Variants in RAB3B observed in about 807,000 individuals in gnomAD.
RAB3B encodes the protein RAB3B, member RAS oncogene family, also known as ras-related protein Rab-3B.
In RAB3B, 11 loss-of-function variants were observed where a neutral mutation model predicts 20.5. The ratio of observed to expected loss-of-function variants is 0.54; its 90% CI spans 0.34 to 0.89. The LOEUF (loss-of-function observed/expected upper bound fraction) is 0.89. Among genes scored for constraint, RAB3B ranks in the 40% least tolerant of loss-of-function variants. The pLI, the probability that RAB3B is intolerant of heterozygous loss-of-function variation, is 0.02. For synonymous variants in RAB3B, 99 were observed against 106.3 expected (o/e 0.93, Z 0.42); for missense variants, 225 against 280.9 (o/e 0.80, Z 1.42).
In RAB3B at chr1:51,919,136, AC is replaced by A. The variant is rs1684130885; in HGVS notation, c.*790del. ...GTAGCTGGGACTACAGGCGCCCGCC[AC>A]CGCGCCCGGCTAATTTTTTGTATTT... On this transcript the variant is annotated 3_prime_UTR_variant, in exon 5 of 5. Transcript: ENST00000371655. 1 of 151,344 alleles carries A rather than the reference AC, an allele frequency of 6.6e-6. No homozygotes were observed. 9.4% of individuals were successfully genotyped at this position (151,344 alleles called of 1,614,324 possible).
chr1:51,935,694 G>A (rs1487472820), intron 3 of RAB3B, among the ~76,000 whole-genome samples: 1 of 152,070 alleles, frequency 6.6e-6, no homozygotes, highest in Non-Finnish European at 1.5e-5. Context: ...GAAATGGGCA[G>A]CGTGGAGACA....
intron 2 of RAB3B, among the ~76,000 whole-genome samples, chr1:51,972,861 T>C (rs1368920749): frequency 6.6e-6 from 1 of 152,230 alleles, no homozygotes; most frequent in South Asian, 2.1e-4. Context: ...CAGCCCCATA[T>C]AATTTACCCA....
intron 2 of RAB3B, among the ~76,000 whole-genome samples, chr1:51,939,347 T>C (rs532347796): frequency 4.9e-4 from 75 of 152,288 alleles, no homozygotes; most frequent in African/African-American, 1.8e-3. Context: ...AATGCAAAAA[T>C]TGCAGAAAGG....
chr1:51,980,085 T>C (rs1685067307), intron 1 of RAB3B, among the ~76,000 whole-genome samples: 1 of 151,884 alleles, frequency 6.6e-6, no homozygotes, highest in Non-Finnish European at 1.5e-5. Context: ...TCAGAAACTA[T>C]GGCTGTTAAC....
Position 51,913,107 on chromosome 1 carries a change from C to T in RAB3B, c.*6820G>A, listed in dbSNP as rs1684029397. On this transcript the variant is annotated 3_prime_UTR_variant, in exon 5 of 5. Transcript: ENST00000371655. ...CTGCTGGGCTTCTGGCCAGGAACTT[C>T]CGGTAGGAATTACAACCATTATCTA... 6.6e-6 allele frequency: 1 copy of T among 152,170 alleles called. No individual in the cohort carries two copies. The highest frequency in any genetic ancestry group is 2.1e-4 in the South Asian group (1 of 4,826). 9.4% of individuals were successfully genotyped at this position (152,170 alleles called of 1,614,324 possible). A position where few individuals can be genotyped will look rare whatever the true frequency, so the allele number is the denominator to read the frequency against.
intron 2 of RAB3B, among the ~76,000 whole-genome samples, chr1:51,945,470 G>T (rs747322266): frequency 1.3e-5 from 2 of 152,088 alleles, no homozygotes; most frequent in Non-Finnish European, 2.9e-5. Flanking sequence ...TTGCTTTATT[G>T]CAATATTTAC....
rs1491223921 is a variant in RAB3B, at chr1:51,912,554, A to AAAAAATAT, written c.*7372_*7373insATATTTTT. 4.5e-3 allele frequency: 70 copies of AAAAAATAT among 15,464 alleles called. 2 individuals are homozygous for AAAAAATAT. The highest frequency in any genetic ancestry group is 7.9e-3 in the Non-Finnish European group (54 of 6,798). 1.0% of individuals were successfully genotyped at this position (15,464 alleles called of 1,614,324 possible). On this transcript the variant is annotated 3_prime_UTR_variant, in exon 5 of 5. Transcript: ENST00000371655. ...AGACCGTCTCTATTAAAAAAAAAAA[A>AAAAAATAT]ATATATATATATATATATATATATA... is the stretch of plus-strand genomic sequence containing the variant.
intron 3 of RAB3B, among the ~76,000 whole-genome samples, chr1:51,936,143 G>A (rs34730664): frequency 0.047 from 7,174 of 152,268 alleles, 198 homozygotes; most frequent in Middle Eastern, 0.075. Context: ...TGTGTGCCTG[G>A]TCTGCTCAGC....
chr1:51,932,869 T>A (rs1226810417), intron 4 of RAB3B, among the ~76,000 whole-genome samples: 3 of 152,122 alleles, frequency 2.0e-5, no homozygotes, highest in Non-Finnish European at 4.4e-5. Context: ...AAGACAACAT[T>A]TTGGCCCCAA....
chr1:51,935,117 GA>G (rs1684380179), intron 3 of RAB3B, among the ~76,000 whole-genome samples: 1 of 152,222 alleles, frequency 6.6e-6, no homozygotes, highest in Non-Finnish European at 1.5e-5. Context: ...AGGTGTCAGT[GA>G]ATGCTGATAA....
chr1:51,966,196 A>G (rs1684849409), intron 2 of RAB3B, among the ~76,000 whole-genome samples: 1 of 151,966 alleles, frequency 6.6e-6, no homozygotes, highest in African/African-American at 2.4e-5. Flanking sequence ...TAAAGCTCTT[A>G]CTCTACATTA....
intron 3 of RAB3B, among the ~76,000 whole-genome samples, chr1:51,935,339 C>A (rs1684384666): frequency 6.6e-6 from 1 of 152,168 alleles, no homozygotes; most frequent in African/African-American, 2.4e-5. Flanking sequence ...TGTGGGCCCA[C>A]AGGAAACCAG....
At chr1:51,984,396 T>C (rs552972645) in intron 1 of RAB3B, among the ~76,000 whole-genome samples, 29 of 140,972 alleles carry the variant, frequency 2.1e-4, no homozygotes, top group African/African-American at 6.0e-4. Context: ...TCTTTTTTTT[T>C]TTTTTTTTTT....
At chr1:51,924,882 A>C (rs538662470) in intron 4 of RAB3B, among the ~76,000 whole-genome samples, 1 of 152,188 alleles carries the variant, frequency 6.6e-6, no homozygotes, top group Non-Finnish European at 1.5e-5. Context: ...GAGGCCAGGA[A>C]GATGACAACC....
chr1:51,956,729 C>T (rs750878395), intron 2 of RAB3B, among the ~76,000 whole-genome samples: 7 of 152,200 alleles, frequency 4.6e-5, no homozygotes, highest in Admixed American at 3.3e-4. Flanking sequence ...CTGTATGACT[C>T]GCATTTCCTC....
intron 3 of RAB3B, among the ~76,000 whole-genome samples, chr1:51,934,547 G>A (rs1049231377): frequency 6.6e-6 from 1 of 151,924 alleles, no homozygotes; most frequent in African/African-American, 2.4e-5. Context: ...CGAGGTGGGC[G>A]GACCACGAGG....
At chr1:51,923,271 G>A (rs969530756) in intron 4 of RAB3B, among the ~76,000 whole-genome samples, 15 of 152,138 alleles carry the variant, frequency 9.9e-5, no homozygotes, top group African/African-American at 3.6e-4. Context: ...CTTGTCTCAC[G>A]CTCAGTTGGA....
chr1:51,965,194 T>C (rs1036471986), intron 2 of RAB3B, among the ~76,000 whole-genome samples: 2 of 145,316 alleles, frequency 1.4e-5, no homozygotes, highest in South Asian at 2.2e-4. Flanking sequence ...ACTTCCAACC[T>C]GGGTGACAGA....
rs1684006767 is a variant in RAB3B, at chr1:51,912,115, T to TCTTC, written c.*7811_*7812insGAAG. The TCTTC allele has an allele frequency of 6.8e-6, 1 of 148,032 alleles. No individual in the cohort carries two copies. Among genetic ancestry groups the TCTTC allele is most frequent in the South Asian group, 2.1e-4 (1 of 4,756 alleles). 9.2% of individuals were successfully genotyped at this position (148,032 alleles called of 1,614,324 possible). Reference sequence around the variant, plus strand: ...CCTTTTCTTCTTTTTTTTCTTTCTTTCTTTCTTTTTTTTTTTTTTTTGAGA... The same window carrying TCTTC: ...CCTTTTCTTCTTTTTTTTCTTTCTTTCTTCCTTTCTTTTTTTTTTTTTTTTGAGA... On this transcript the variant is annotated 3_prime_UTR_variant, in exon 5 of 5. Coordinates refer to ENST00000371655, the MANE Select transcript of RAB3B (RefSeq NM_002867.4).
Sources: gnomAD v4.1 joint callset for allele counts (sites outside exome capture counted in the v4.1 genomes callset) on GRCh38, gnomAD v4.1.1 for gene constraint, MANE v1.5 for transcripts, NCBI Gene and HGNC (gene_info 2026-07-23, HGNC 2026-07-21) for gene names.